Variants in RORA observed in about 807,000 individuals in gnomAD.
RORA encodes RAR related orphan receptor A.
RORA carries 7 observed loss-of-function variants against 69.5 expected under a neutral mutation model. That is an observed-to-expected ratio of 0.10 (90% CI 0.06 to 0.19). RORA has a LOEUF of 0.19. Ranked by LOEUF, RORA falls within the 10% of genes least tolerant of loss-of-function variation. The pLI is 1.00. For synonymous variants in RORA, 261 were observed against 240.8 expected, an observed-to-expected ratio of 1.08 and a Z score of -0.78; for missense variants, 457 against 663.0, an observed-to-expected ratio of 0.69 and a Z score of 3.41.
intron 2 of RORA, chr15:60,592,693 C>A: frequency 9.6e-7 from 1 of 1,045,134 alleles, no homozygotes; most frequent in Admixed American, 5.6e-5. Flanking sequence ...CCGCCCCGCC[C>A]CCGCGGGCAG....
rs141546502 is a variant in RORA, at chr15:61,008,691, T to C, written c.166+220362A>G. On this transcript the variant is annotated intron_variant, in intron 1 of 10. Transcript: ENST00000335670. Reference sequence around the variant, plus strand: ...TCTTTTCCTTTGTACACATTTGACTTACCCCTTTTTAATGCCTTTTACTTG... The same window carrying C: ...TCTTTTCCTTTGTACACATTTGACTCACCCCTTTTTAATGCCTTTTACTTG... Among the ~76,000 whole-genome samples the C allele has an allele frequency of 4.6e-5, 7 of 152,224 alleles. No individual in the cohort carries two copies. The East Asian group carries it at 1.3e-3, about 29-fold the overall frequency.
At chr15:61,087,376 C>A (rs1203129135) in intron 1 of RORA, among the ~76,000 whole-genome samples, 5 of 152,196 alleles carry the variant, frequency 3.3e-5, no homozygotes, top group Admixed American at 2.0e-4. Flanking sequence ...AATGTCAGAA[C>A]CCACTCCTTT....
chr15:60,767,021 C>T (rs985261545), intron 1 of RORA, among the ~76,000 whole-genome samples: 1 of 152,180 alleles, frequency 6.6e-6, no homozygotes, highest in African/African-American at 2.4e-5. Flanking sequence ...GGCCCAAAGA[C>T]ATGTACTGTT....
chr15:60,602,866 CAATTA>C (rs2068851275), intron 2 of RORA, among the ~76,000 whole-genome samples: 1 of 152,148 alleles, frequency 6.6e-6, no homozygotes, highest in South Asian at 2.1e-4. Flanking sequence ...TGTTTAACCA[CAATTA>C]AATTAAAAGA....
At chr15:60,793,223 G>A (rs572399610) in intron 1 of RORA, among the ~76,000 whole-genome samples, 2 of 152,284 alleles carry the variant, frequency 1.3e-5, no homozygotes, top group Admixed American at 6.5e-5. Context: ...AGTATGTTAG[G>A]AGTAGTCTTC....
chr15:61,080,525 A>T (rs532078233), intron 1 of RORA, among the ~76,000 whole-genome samples: 1 of 152,320 alleles, frequency 6.6e-6, no homozygotes, highest in South Asian at 2.1e-4. Context: ...ACCTGCATAG[A>T]TCTGGCCTTA....
chr15:60,538,980 T>C (rs1174415943), intron 2 of RORA, among the ~76,000 whole-genome samples: 2 of 137,422 alleles, frequency 1.5e-5, no homozygotes, highest in Non-Finnish European at 1.5e-5. Context: ...ATAAAAAGTG[T>C]TGAGTATACC....
chr15:60,546,808 T>C (rs2140374068), intron 2 of RORA, among the ~76,000 whole-genome samples: 2 of 152,262 alleles, frequency 1.3e-5, no homozygotes, highest in South Asian at 4.1e-4. Flanking sequence ...TCCTGCCTCT[T>C]AGTGATTTCT....
chr15:60,779,528 C>G (rs947380119), intron 1 of RORA, among the ~76,000 whole-genome samples: 2 of 152,188 alleles, frequency 1.3e-5, no homozygotes, highest in African/African-American at 2.4e-5. Flanking sequence ...GTAATAGGAG[C>G]AGGAAGCACC....
chr15:60,831,526 T>C (rs566102078), intron 1 of RORA, among the ~76,000 whole-genome samples: 1 of 152,314 alleles, frequency 6.6e-6, no homozygotes, highest in African/African-American at 2.4e-5. Context: ...GGCAGGTCCT[T>C]ACATTTGCTA....
intron 2 of RORA, among the ~76,000 whole-genome samples, chr15:60,561,951 CT>C (rs750064920): frequency 4.1e-4 from 62 of 150,572 alleles, no homozygotes; most frequent in Non-Finnish European, 6.1e-4. Flanking sequence ...AATTTTTTTT[CT>C]TTTTTTTTGA....
chr15:60,740,715 A>T lies in RORA; in HGVS notation c.167-62029T>A, dbSNP rs1036267914. Among the ~76,000 whole-genome samples, 8 of 152,300 alleles carry T rather than the reference A, an allele frequency of 5.3e-5. 1 individual carries two copies. The South Asian group carries it at 1.2e-3, about 24-fold the overall frequency. Reference sequence around the variant, plus strand: ...CTGTAAATCTCTTAGGTTAACTTTTAAAAAAATGTGACATTGTTAGGTACA... The same window carrying T: ...CTGTAAATCTCTTAGGTTAACTTTTTAAAAAATGTGACATTGTTAGGTACA... On this transcript the variant is annotated intron_variant, in intron 1 of 10. Transcript: ENST00000335670.
chr15:61,038,187 G>A (rs1328216601), intron 1 of RORA, among the ~76,000 whole-genome samples: 1 of 152,182 alleles, frequency 6.6e-6, no homozygotes, highest in African/African-American at 2.4e-5. Context: ...AGAATGGCAA[G>A]TTATCGAACG....
intron 1 of RORA, among the ~76,000 whole-genome samples, chr15:60,722,324 C>T (rs1456794591): frequency 6.6e-6 from 1 of 152,186 alleles, no homozygotes; most frequent in Non-Finnish European, 1.5e-5. Context: ...GAAATAAAAT[C>T]ACAAAGATAA....
intron 1 of RORA, among the ~76,000 whole-genome samples, chr15:61,049,127 C>T (rs1375186086): frequency 1.3e-5 from 2 of 152,138 alleles, no homozygotes; most frequent in Non-Finnish European, 2.9e-5. Flanking sequence ...TCGGAAACTG[C>T]GGAGAGTTCT....
chr15:60,505,493 T>C lies in RORA; in HGVS notation c.942+15A>G. ...ATTGCCTCAATCCTAGGAGGAAAAATTCCTCAGATCATACCTTGTTTTGAT... is the reference window on the plus strand; with the variant it reads ...ATTGCCTCAATCCTAGGAGGAAAAACTCCTCAGATCATACCTTGTTTTGAT... On this transcript the variant is annotated intron_variant, in intron 6 of 10. Coordinates refer to ENST00000335670, the MANE Select transcript of RORA (RefSeq NM_134261.3). The C allele has an allele frequency of 6.2e-7, 1 of 1,613,478 alleles. No individual in the cohort carries two copies. Among genetic ancestry groups the C allele is most frequent in the Non-Finnish European group, 8.5e-7 (1 of 1,179,552 alleles).
In RORA at chr15:61,061,743, C is replaced by A. The variant is rs1202141846; in HGVS notation, c.166+167310G>T. 6.6e-6 allele frequency among the ~76,000 whole-genome samples: 1 copy of A among 152,076 alleles called. No individual in the cohort carries two copies. The highest frequency in any genetic ancestry group is 6.5e-5 in the Admixed American group (1 of 15,272). ...AGGGTGTTAAGCATCACTGCATCACCACTTTGCATATAGGAAGCACTCAAT... is the reference window on the plus strand; with the variant it reads ...AGGGTGTTAAGCATCACTGCATCACAACTTTGCATATAGGAAGCACTCAAT... On this transcript the variant is annotated intron_variant, in intron 1 of 10. Transcript: ENST00000335670. The surrounding 1 kb of genome is among the most constrained non-coding windows in gnomAD (Gnocchi z 4.4).
intron 1 of RORA, among the ~76,000 whole-genome samples, chr15:60,797,489 A>G (rs2072515046): frequency 6.6e-6 from 1 of 152,202 alleles, no homozygotes; most frequent in African/African-American, 2.4e-5. Flanking sequence ...CCTTACAAAC[A>G]GGAAACAATC....
intron 1 of RORA, among the ~76,000 whole-genome samples, chr15:61,109,896 G>T (rs756626635): frequency 1.2e-4 from 18 of 152,156 alleles, no homozygotes; most frequent in Non-Finnish European, 2.1e-4. Context: ...ACCTGTGAGT[G>T]ATTTGTTATT....
Sources: gnomAD v4.1 joint callset for allele counts (sites outside exome capture counted in the v4.1 genomes callset) on GRCh38, gnomAD v4.1.1 for gene constraint, Gnocchi (gnomAD v3.1) non-coding constraint, MANE v1.5 for transcripts, NCBI Gene and HGNC (gene_info 2026-07-23, HGNC 2026-07-21) for gene names.